The following ZNF362 variants were observed in gnomAD, a reference collection of about 807,000 sequenced individuals.
ZNF362 encodes the protein rotund homolog.
In ZNF362, 11 loss-of-function variants were observed where a neutral mutation model predicts 42.9. The observed-to-expected ratio is 0.26, with a 90% CI of 0.16 to 0.42. The LOEUF (loss-of-function observed/expected upper bound fraction) is 0.42, where lower values mean the gene tolerates loss of function less well. Among genes scored for constraint, ZNF362 ranks in the 20% least tolerant of loss-of-function variants. ZNF362 has a pLI of 1.00. For synonymous variants in ZNF362, 255 were observed against 257.3 expected, an observed-to-expected ratio of 0.99 and a Z score of 0.09; for missense variants, 362 against 576.2, an observed-to-expected ratio of 0.63 and a Z score of 3.81.
chr1:33,173,068 C>T, the ZNF362 span, among the ~76,000 whole-genome samples: 3 of 152,274 alleles, frequency 2.0e-5, no homozygotes, highest in African/African-American at 4.8e-5. Flanking sequence ...GAAACCTGAC[C>T]GTGACAAACT....
chr1:33,222,001 CAGAA>C, the ZNF362 span, among the ~76,000 whole-genome samples: 1 of 152,188 alleles, frequency 6.6e-6, no homozygotes, highest in African/African-American at 2.4e-5. Flanking sequence ...GACAAGGAGA[CAGAA>C]AGAAAGAGTG....
At chr1:33,298,818 C>A in intron 8 of ZNF362, 112 bp from the exon 9 acceptor site, 1 of 862,202 alleles carries the variant, frequency 1.2e-6, no homozygotes, top group Non-Finnish European at 1.9e-6. Context: ...GGCTGTCCTC[C>A]ACCCTCTGAA....
chr1:33,172,456 G>T, the ZNF362 span, among the ~76,000 whole-genome samples: 4 of 152,046 alleles, frequency 2.6e-5, no homozygotes, highest in Non-Finnish European at 5.9e-5. Flanking sequence ...AGCTGGAAAG[G>T]CCAGCTGGGG....
chr1:33,188,917 C>T, the ZNF362 span, among the ~76,000 whole-genome samples: 1 of 152,178 alleles, frequency 6.6e-6, no homozygotes, highest in African/African-American at 2.4e-5. Context: ...TGTGTCTTCT[C>T]TCAAAGATCA....
intron 2 of ZNF362, chr1:33,274,881 A>G (rs1570393378): frequency 5.6e-6 from 5 of 897,134 alleles, no homozygotes; most frequent in Non-Finnish European, 6.7e-6. Context: ...TCTTGTGCCT[A>G]CTTTCAAGTA....
the ZNF362 span, chr1:33,180,973 C>G: frequency 4.7e-5 from 21 of 451,450 alleles, no homozygotes; most frequent in Non-Finnish European, 8.4e-5. Context: ...CCCCGCCCGG[C>G]CCCACCTCCA....
At chr1:33,207,796 GT>G in the ZNF362 span, among the ~76,000 whole-genome samples, 1 of 151,674 alleles carries the variant, frequency 6.6e-6, no homozygotes. Context: ...TGATGGGGTT[GT>G]TTTTTTTCTT....
At chr1:33,271,030 T>C (rs1214925798) in intron 2 of ZNF362, among the ~76,000 whole-genome samples, 3 of 152,148 alleles carry the variant, frequency 2.0e-5, no homozygotes, top group Non-Finnish European at 4.4e-5. Context: ...GCGCAGCCCC[T>C]GCCTCTCTGC....
At chr1:33,279,748 C>G (rs77194369) in intron 4 of ZNF362, among the ~76,000 whole-genome samples, 2,571 of 151,622 alleles carry the variant, frequency 0.017, 31 homozygotes, top group Non-Finnish European at 0.025. Context: ...TTTGCTTAAA[C>G]AAACATAACC....
chr1:33,173,075 A>G, the ZNF362 span, among the ~76,000 whole-genome samples: 4 of 152,084 alleles, frequency 2.6e-5, no homozygotes, highest in Non-Finnish European at 5.9e-5. Flanking sequence ...GACCGTGACA[A>G]ACTTGAACTT....
intron 1 of ZNF362, among the ~76,000 whole-genome samples, chr1:33,262,602 T>A (rs760048081): frequency 3.9e-5 from 6 of 152,162 alleles, no homozygotes; most frequent in Non-Finnish European, 7.4e-5. Context: ...CCACCGCACC[T>A]GGCCGGCTTT....
chr1:33,236,550 A>AAAAAAAAAAAAT, the ZNF362 span, among the ~76,000 whole-genome samples: 4 of 5,980 alleles, frequency 6.7e-4, no homozygotes, highest in African/African-American at 1.6e-3. Context: ...AAAAAAAAAA[A>AAAAAAAAAAAAT]ATATATATAT....
At chr1:33,175,275 C>G in the ZNF362 span, among the ~76,000 whole-genome samples, 1 of 151,464 alleles carries the variant, frequency 6.6e-6, no homozygotes, top group Non-Finnish European at 1.5e-5. Flanking sequence ...ATCTCAAACT[C>G]AGGTGATCCG....
the ZNF362 span, among the ~76,000 whole-genome samples, chr1:33,157,951 T>A: frequency 2.6e-5 from 4 of 152,084 alleles, no homozygotes; most frequent in Non-Finnish European, 5.9e-5. Flanking sequence ...GAGACAGGGT[T>A]TCACCATGTT....
rs141410729 is a variant in ZNF362, at chr1:33,284,417, C to T, written c.908+2606C>T. Among the ~76,000 whole-genome samples the T allele has an allele frequency of 5.3e-3, 803 of 152,362 alleles. 11 individuals carry two copies. Among genetic ancestry groups the T allele is most frequent in the South Asian group, 0.016 (78 of 4,826 alleles). The stretch of plus-strand genomic sequence containing the variant: ...TGTTAGGAAGGAGGACAGATTCTTA[C>T]AGATCCTGTTTACAGAACTAATGAT... On this transcript the variant is annotated intron_variant, in intron 6 of 8. Transcript: ENST00000539719.
chr1:33,211,667 T>C, the ZNF362 span, among the ~76,000 whole-genome samples: 2 of 152,074 alleles, frequency 1.3e-5, no homozygotes, highest in East Asian at 3.9e-4. Context: ...GCCCTTAGCA[T>C]TTTTTCCTTC....
chr1:33,159,419 G>A, the ZNF362 span, among the ~76,000 whole-genome samples: 1 of 152,090 alleles, frequency 6.6e-6, no homozygotes, highest in Non-Finnish European at 1.5e-5. The surrounding 1 kb of genome is among the most constrained non-coding windows in gnomAD (Gnocchi z 4.2). Flanking sequence ...CACCCCTAGA[G>A]CCAAGACAGC....
the ZNF362 span, among the ~76,000 whole-genome samples, chr1:33,250,418 G>A: frequency 1.5e-4 from 23 of 152,200 alleles, no homozygotes; most frequent in Non-Finnish European, 3.1e-4. Flanking sequence ...AAAAAGGAGC[G>A]AGACCATGTC....
chr1:33,185,519 A>G, the ZNF362 span, among the ~76,000 whole-genome samples: 5 of 151,994 alleles, frequency 3.3e-5, no homozygotes, highest in African/African-American at 1.2e-4. Flanking sequence ...ACCGTGCCCG[A>G]CCCAGTCTCT....
Sources: allele counts gnomAD v4.1 joint callset (sites outside exome capture counted in the v4.1 genomes callset), GRCh38; gene constraint gnomAD v4.1.1; non-coding constraint Gnocchi (gnomAD v3.1); transcripts MANE v1.5; gene names NCBI Gene and HGNC (gene_info 2026-07-23, HGNC 2026-07-21).